TULP4: variants seen among roughly 807,000 people sequenced by gnomAD.
TULP4 encodes the protein TUB like protein 4.
A neutral mutation model predicts 129.0 loss-of-function variants in TULP4; 16 were observed. The ratio of observed to expected loss-of-function variants is 0.12; its 90% CI spans 0.08 to 0.19. The LOEUF (loss-of-function observed/expected upper bound fraction) is 0.19, where lower values mean the gene tolerates loss of function less well. Among genes scored for constraint, TULP4 ranks in the 10% least tolerant of loss-of-function variants. The pLI, the probability that TULP4 is intolerant of heterozygous loss-of-function variation, is 1.00. For missense variants in TULP4, 1,842 were observed against 2,059.1 expected, an observed-to-expected ratio of 0.89 and a Z score of 2.04; for synonymous variants, 998 against 854.0, an observed-to-expected ratio of 1.17 and a Z score of -2.94.
Position 158,489,550 on chromosome 6 carries a change from T to C in TULP4, c.1487-38T>C, listed in dbSNP as rs761866117. The C allele has an allele frequency of 8.7e-6, 14 of 1,613,026 alleles. No homozygotes were observed. In the South Asian group the frequency reaches 1.2e-4, roughly 14 times the overall value. On this transcript the variant is annotated intron_variant, in intron 8 of 13. Coordinates refer to ENST00000367097, the MANE Select transcript of TULP4 (RefSeq NM_020245.5). ...GATCATTGGTAGGGGCTAATTGATATAACTTCCCTTGAAATCTGCTGGTTG... is the reference window on the plus strand; with the variant it reads ...GATCATTGGTAGGGGCTAATTGATACAACTTCCCTTGAAATCTGCTGGTTG...
At position 158,304,078 on chromosome 6, in the gene TULP4, C is replaced by T. The variant is rs369045822; in HGVS notation, n.117-7973C>T. On this transcript the variant is annotated intron_variant and non_coding_transcript_variant, in intron 1 of 1. Coordinates refer to the TULP4 transcript ENST00000432358. The stretch of plus-strand genomic sequence containing the variant: ...GGGACAAGAGAGGGAGAGAACACAG[C>T]ACAGGGGCCTTGTGTATAATATTAA... 2.0e-5 allele frequency among the ~76,000 whole-genome samples: 3 copies of T among 152,132 alleles called. No individual in the cohort carries two copies. The East Asian group carries it at 5.8e-4, about 29-fold the overall frequency.
rs771964476 is a variant in TULP4, at chr6:158,449,136, C to T, written c.684C>T (p.Ser228=). 8.1e-6 allele frequency: 13 copies of T among 1,613,796 alleles called. No individual in the cohort carries two copies. Among genetic ancestry groups the T allele is most frequent in the Admixed American group, 1.7e-5 (1 of 59,992 alleles). The change falls in exon 4 of 14, where the codon AGC becomes AGT. Residue 228 remains serine, a synonymous_variant. Transcript: ENST00000367097. ...CGATCTTCCTGGTGGAGGACAGCAG[C>T]GAGAGCGACACGGACTCAGATGACT... ...NYPIFLVEDS[S]ESDTDSDDYA...
chr6:158,439,489 A>G (rs1778832882), intron 3 of TULP4, among the ~76,000 whole-genome samples: 1 of 151,254 alleles, frequency 6.6e-6, no homozygotes, highest in Non-Finnish European at 1.5e-5. Flanking sequence ...CCCTCCACCC[A>G]CCCAGAGCAG....
At chr6:158,448,858 C>G in intron 3 of TULP4, 138 bp from the exon 4 acceptor site, 1 of 798,062 alleles carries the variant, frequency 1.3e-6, no homozygotes, top group Non-Finnish European at 1.9e-6. Flanking sequence ...CATTTTGTGT[C>G]ACTGTGCTGT....
At chr6:158,267,420 G>C (rs1310290823) in intron 1 of TULP4, among the ~76,000 whole-genome samples, 1 of 152,244 alleles carries the variant, frequency 6.6e-6, no homozygotes, top group Non-Finnish European at 1.5e-5. Context: ...TGAGAAGTCA[G>C]TGTGGGTTCA....
chr6:158,506,617 C>T lies in TULP4; in HGVS notation c.4555C>T (p.Leu1519=), dbSNP rs1780610596. The change falls in exon 14 of 14, where the codon CTA becomes TTA. Residue 1519 remains leucine, a synonymous_variant. Transcript: ENST00000367097. ...ACGGATTGATGGCAGTGCGTACATT[C>T]TAGACTTCCAGTATCCGTTCTCAGC... is the stretch of plus-strand genomic sequence containing the variant. ...FGRIDGSAYI[L]DFQYPFSAVQ... The T allele has an allele frequency of 2.5e-6, 4 of 1,613,888 alleles. No homozygotes were observed. The East Asian group carries it at 6.7e-5, about 27-fold the overall frequency.
intron 1 of TULP4, among the ~76,000 whole-genome samples, chr6:158,376,887 C>T (rs755670659): frequency 6.6e-6 from 1 of 152,232 alleles, no homozygotes; most frequent in Non-Finnish European, 1.5e-5. Flanking sequence ...CTGAGGGACT[C>T]AGGGCAGCTG....
At chr6:158,259,212 C>T (rs1179588807) in intron 1 of TULP4, among the ~76,000 whole-genome samples, 1 of 152,182 alleles carries the variant, frequency 6.6e-6, no homozygotes, top group East Asian at 1.9e-4. Context: ...CCAGAGCTTG[C>T]TGTTAGAAGG....
intron 1 of TULP4, among the ~76,000 whole-genome samples, chr6:158,346,829 T>TA (rs1780325229): frequency 2.0e-5 from 3 of 152,220 alleles, no homozygotes; most frequent in African/African-American, 7.2e-5. Context: ...ATGATGATTC[T>TA]GTAATTGTCT....
At chr6:158,279,580 A>G (rs1778711860), upstream of TULP4, among the ~76,000 whole-genome samples, 1 of 152,222 alleles carries the variant, frequency 6.6e-6, no homozygotes, top group Non-Finnish European at 1.5e-5. Context: ...TCGTACAAAA[A>G]TTAGTTTCAA....
intron 1 of TULP4, among the ~76,000 whole-genome samples, chr6:158,388,904 G>C (rs1283234418): frequency 6.6e-6 from 1 of 152,190 alleles, no homozygotes; most frequent in African/African-American, 2.4e-5. Flanking sequence ...GGTGACAGCA[G>C]AGGTGGCACC....
At chr6:158,469,451 T>G (rs1480020179) in intron 6 of TULP4, among the ~76,000 whole-genome samples, 1 of 152,020 alleles carries the variant, frequency 6.6e-6, no homozygotes, top group African/African-American at 2.4e-5. Context: ...TTTTGTATTT[T>G]TTGGTAGAGA....
intron 1 of TULP4, chr6:158,397,989 G>T (rs969808180): frequency 6.6e-6 from 1 of 152,142 alleles, no homozygotes; most frequent in African/African-American, 2.4e-5. Context: ...ATTGAAAATA[G>T]TAGGTTTATT....
chr6:158,372,921 G>A (rs1777103218), intron 1 of TULP4, among the ~76,000 whole-genome samples: 1 of 152,194 alleles, frequency 6.6e-6, no homozygotes, highest in Admixed American at 6.5e-5. Flanking sequence ...AAAGAACTAG[G>A]AAATCGAGTT....
chr6:158,437,724 A>G (rs890029160), intron 3 of TULP4: 1 of 152,232 alleles, frequency 6.6e-6, no homozygotes, highest in African/African-American at 2.4e-5. Flanking sequence ...AGATAAAGTC[A>G]TGACTGAAGT....
intron 8 of TULP4, among the ~76,000 whole-genome samples, chr6:158,489,070 C>T (rs866711772): frequency 6.6e-6 from 1 of 152,214 alleles, no homozygotes; most frequent in African/African-American, 2.4e-5. Context: ...CAGGCCCCCG[C>T]CGCAAGACCT....
At chr6:158,379,563 G>A (rs1279820033) in intron 1 of TULP4, among the ~76,000 whole-genome samples, 7 of 152,312 alleles carry the variant, frequency 4.6e-5, no homozygotes, top group Middle Eastern at 3.4e-3. Flanking sequence ...TAGTTTCTAC[G>A]TGTTTAGCCT....
chr6:158,475,073 G>A (rs1779787435), intron 6 of TULP4, among the ~76,000 whole-genome samples: 1 of 152,234 alleles, frequency 6.6e-6, no homozygotes, highest in South Asian at 2.1e-4. Flanking sequence ...TGATTGGCTG[G>A]ACGCATGGCA....
intron 1 of TULP4, among the ~76,000 whole-genome samples, chr6:158,347,803 C>T (rs971245414): frequency 5.3e-5 from 8 of 152,286 alleles, no homozygotes; most frequent in Middle Eastern, 3.4e-3. Context: ...CAAGTTATCC[C>T]TTCTCCACCT....
Sources: gnomAD v4.1 joint callset for allele counts (sites outside exome capture counted in the v4.1 genomes callset) on GRCh38, gnomAD v4.1.1 for gene constraint, MANE v1.5 for transcripts, NCBI Gene and HGNC (gene_info 2026-07-23, HGNC 2026-07-21) for gene names.